PPP2R3B: variants seen among roughly 807,000 people sequenced by gnomAD.
PPP2R3B encodes protein phosphatase 2 regulatory subunit B''beta.
In PPP2R3B, 68 loss-of-function variants were observed where a neutral mutation model predicts 72.9. That is an observed-to-expected ratio of 0.93 (90% CI 0.77 to 1.14). PPP2R3B has a LOEUF of 1.14. Among genes scored for constraint, PPP2R3B ranks in the 50% most tolerant of loss-of-function variants. The pLI, the probability that PPP2R3B is intolerant of heterozygous loss-of-function variation, is 0.00. For missense variants in PPP2R3B, 1,018 were observed against 842.0 expected (o/e 1.21, Z -2.59); for synonymous variants, 466 against 375.8 (o/e 1.24, Z -2.78).
Position 334,345 on chromosome X carries a change from G to A in PPP2R3B, c.*22C>T, listed in dbSNP as rs371533791. 2,430 of 1,454,596 alleles carry A rather than the reference G, an allele frequency of 1.7e-3. 22 individuals are homozygous for A. In the African/African-American group the frequency reaches 0.027, roughly 16 times the overall value. The allele number at this position is 1,454,596 out of a possible 1,614,324, so 90.1% of individuals were successfully genotyped here. A position where few individuals can be genotyped will look rare whatever the true frequency, so the allele number is the denominator to read the frequency against. ...GGTGGCACGTGGGGAGCGGCCCCGCGGCGGCGTTCTCGCGGGCGGCGTCAC... is the reference window on the plus strand; with the variant it reads ...GGTGGCACGTGGGGAGCGGCCCCGCAGCGGCGTTCTCGCGGGCGGCGTCAC... On this transcript the variant is annotated 3_prime_UTR_variant, in exon 13 of 13. Coordinates refer to ENST00000390665, the MANE Select transcript of PPP2R3B (RefSeq NM_013239.5).
chrX:344,394 C>T (rs1266457847), intron 7 of PPP2R3B, among the ~76,000 whole-genome samples: 1 of 152,240 alleles, frequency 6.6e-6, no homozygotes, highest in African/African-American at 2.4e-5. Context: ...GAGAAGGTCC[C>T]GCAGCCTGGG....
At chrX:360,170 T>C (rs1171058819) in intron 2 of PPP2R3B, among the ~76,000 whole-genome samples, 1 of 152,258 alleles carries the variant, frequency 6.6e-6, no homozygotes, top group East Asian at 1.9e-4. Flanking sequence ...GCGGAATTTA[T>C]CCCAGGAATG....
At chrX:341,273 A>G (rs746636681) in intron 9 of PPP2R3B, 34 bp downstream of exon 9, 18 of 1,606,160 alleles carry the variant, frequency 1.1e-5, no homozygotes, top group Admixed American at 1.7e-5. Context: ...CGGCCCCTCC[A>G]CTGGGACAAA....
At chrX:368,827 G>A (rs2071790648) in intron 1 of PPP2R3B, among the ~76,000 whole-genome samples, 1 of 124,488 alleles carries the variant, frequency 8.0e-6, no homozygotes, top group African/African-American at 3.3e-5. Context: ...ACGGGGGGAA[G>A]GCCGGGACCA....
chrX:334,318 G>A lies in PPP2R3B; in HGVS notation c.*49C>T. ...TTTTTACACGAGCCGCGGTGGCCCG[G>A]TGGTGGCACGTGGGGAGCGGCCCCG... On this transcript the variant is annotated 3_prime_UTR_variant, in exon 13 of 13. Transcript: ENST00000390665. 1 of 1,434,382 alleles carries A rather than the reference G, an allele frequency of 7.0e-7. No individual in the cohort carries two copies. The highest frequency in any genetic ancestry group is 9.1e-7 in the Non-Finnish European group (1 of 1,098,994). The allele number at this position is 1,434,382 out of a possible 1,614,324, so 88.9% of individuals were successfully genotyped here.
chrX:346,476 G>C (rs1015398041), intron 5 of PPP2R3B: 1 of 628,184 alleles, frequency 1.6e-6, no homozygotes, highest in Non-Finnish European at 2.7e-6. Context: ...GGAGCTACAC[G>C]GGCCCAGGAC....
At chrX:346,141 G>GCAGGGGGCAGGGGA (rs766575869) in intron 6 of PPP2R3B, 33 bp downstream of exon 6, 15 of 1,435,310 alleles carry the variant, frequency 1.0e-5, no homozygotes. Context: ...TAGGGACAAG[G>GCAGGGGGCAGGGGA]CAGGGGGCAG....
chrX:346,770 C>G lies in PPP2R3B; in HGVS notation c.723G>C (p.Val241=). 1 of 1,609,404 alleles carries G rather than the reference C, an allele frequency of 6.2e-7. No individual in the cohort carries two copies. Among genetic ancestry groups the G allele is most frequent in the Non-Finnish European group, 8.5e-7 (1 of 1,178,204 alleles). The part of the protein sequence containing the change: ...QEDFVPFLQD[V]VNTHPGLSFL... ...ACGACAGCCCCGGGTGCGTGTTCACCACGTCCTGCGGGTGGGAAGACACGA... is the reference window on the plus strand; with the variant it reads ...ACGACAGCCCCGGGTGCGTGTTCACGACGTCCTGCGGGTGGGAAGACACGA... Residue 241 remains valine (V), a synonymous_variant, in exon 5 of 13, where the codon GTG becomes GTC. Coordinates refer to ENST00000390665, the MANE Select transcript of PPP2R3B (RefSeq NM_013239.5).
intron 2 of PPP2R3B, among the ~76,000 whole-genome samples, chrX:352,815 A>G (rs1219602512): frequency 6.6e-6 from 1 of 151,452 alleles, no homozygotes; most frequent in Admixed American, 6.6e-5. Flanking sequence ...GGGTGACGGG[A>G]CAAGAGGACG....
intron 1 of PPP2R3B, among the ~76,000 whole-genome samples, chrX:385,316 TTTTC>T (rs2072222046): frequency 7.1e-6 from 1 of 139,978 alleles, no homozygotes; most frequent in African/African-American, 2.7e-5. Context: ...TTGTTTTTAG[TTTTC>T]TTTTTTTTTT....
chrX:337,571 C>A (rs1459112276), intron 12 of PPP2R3B: 1 of 152,314 alleles, frequency 6.6e-6, no homozygotes, highest in Non-Finnish European at 1.5e-5. Flanking sequence ...CTCACCACCA[C>A]GTCAGAGTCC....
At chrX:361,086 G>A (rs1305572359) in intron 2 of PPP2R3B, among the ~76,000 whole-genome samples, 9 of 152,162 alleles carry the variant, frequency 5.9e-5, no homozygotes, top group African/African-American at 7.2e-5. Context: ...CACTGGCCCC[G>A]GAGGGGAGAG....
At chrX:363,024 G>A (rs1220476148) in intron 1 of PPP2R3B, among the ~76,000 whole-genome samples, 4 of 152,086 alleles carry the variant, frequency 2.6e-5, no homozygotes, top group African/African-American at 4.8e-5. Context: ...CACCCACGGT[G>A]AGACTCAGTT....
intron 2 of PPP2R3B, among the ~76,000 whole-genome samples, chrX:350,109 G>C (rs1404311181): frequency 6.6e-6 from 1 of 152,216 alleles, no homozygotes; most frequent in African/African-American, 2.4e-5. Flanking sequence ...AACCCTTCCT[G>C]TAAAGTCAGA....
At chrX:344,594 G>C (rs2071156365) in intron 7 of PPP2R3B, among the ~76,000 whole-genome samples, 1 of 152,250 alleles carries the variant, frequency 6.6e-6, no homozygotes, top group Non-Finnish European at 1.5e-5. Flanking sequence ...CAGGGACAGT[G>C]AGCGCCTGGT....
intron 2 of PPP2R3B, among the ~76,000 whole-genome samples, chrX:357,368 CAAA>C (rs1181461565): frequency 6.6e-6 from 1 of 151,826 alleles, no homozygotes; most frequent in African/African-American, 2.4e-5. Flanking sequence ...GCTGGCCAAA[CAAA>C]AAACTATTCA....
chrX:334,733 A>G, intron 12 of PPP2R3B: 3 of 523,242 alleles, frequency 5.7e-6, no homozygotes, highest in Non-Finnish European at 9.4e-6. Context: ...GCAGGTGAAA[A>G]CCCACCCAGG....
chrX:336,498 G>A (rs949548906), intron 12 of PPP2R3B: 1 of 152,042 alleles, frequency 6.6e-6, no homozygotes, highest in Non-Finnish European at 1.5e-5. Context: ...GCTGGCCGTG[G>A]TCTGCCCTGA....
At chrX:373,683 G>C (rs1388931424) in intron 1 of PPP2R3B, 1 of 167,636 alleles carries the variant, frequency 6.0e-6, no homozygotes, top group African/African-American at 2.4e-5. Flanking sequence ...GGCTCTCCGC[G>C]GGCCGGGCCG....
Sources: allele counts gnomAD v4.1 joint callset (sites outside exome capture counted in the v4.1 genomes callset), GRCh38; gene constraint gnomAD v4.1.1; transcripts MANE v1.5; gene names NCBI Gene and HGNC (gene_info 2026-07-23, HGNC 2026-07-21).